LINGO2: variants seen among roughly 807,000 people sequenced by gnomAD.
LINGO2 encodes the protein leucine rich repeat and Ig domain containing 2.
A neutral mutation model predicts 30.6 loss-of-function variants in LINGO2; 14 were observed. The ratio of observed to expected loss-of-function variants is 0.46; its 90% CI spans 0.30 to 0.72. The LOEUF (loss-of-function observed/expected upper bound fraction) is 0.72, where lower values mean the gene tolerates loss of function less well. Among genes scored for constraint, LINGO2 ranks in the 30% least tolerant of loss-of-function variants. The pLI, the probability that LINGO2 is intolerant of heterozygous loss-of-function variation, is 0.07. For missense variants in LINGO2, 729 were observed against 751.7 expected, an observed-to-expected ratio of 0.97 and a Z score of 0.35; for synonymous variants, 317 against 288.5, an observed-to-expected ratio of 1.10 and a Z score of -1.00.
the LINGO2 span, among the ~76,000 whole-genome samples, chr9:28,947,158 T>A: frequency 1.3e-5 from 2 of 152,056 alleles, no homozygotes; most frequent in South Asian, 2.1e-4. Context: ...TATATCTATA[T>A]CTATATATCT....
chr9:28,270,714 G>A (rs1259103962), intron 4 of LINGO2, among the ~76,000 whole-genome samples: 13 of 152,048 alleles, frequency 8.5e-5, no homozygotes, highest in Admixed American at 8.5e-4. Context: ...TGTGCTTGTT[G>A]GGAAAATAGT....
chr9:28,514,436 A>G (rs921761008), intron 1 of LINGO2, among the ~76,000 whole-genome samples: 2 of 152,222 alleles, frequency 1.3e-5, no homozygotes, highest in Non-Finnish European at 2.9e-5. Context: ...GAAGAAAATA[A>G]AAAGTACTAC....
the LINGO2 span, among the ~76,000 whole-genome samples, chr9:28,950,806 G>A: frequency 6.6e-6 from 1 of 152,078 alleles, no homozygotes; most frequent in African/African-American, 2.4e-5. Flanking sequence ...ATATGGTGGT[G>A]AAAATGGCCA....
At chr9:28,382,015 G>C (rs953509900) in intron 2 of LINGO2, among the ~76,000 whole-genome samples, 1 of 152,134 alleles carries the variant, frequency 6.6e-6, no homozygotes, top group South Asian at 2.1e-4. Context: ...GATGGACCTA[G>C]GTTGGATCCC....
In LINGO2 at chr9:28,390,242, C is replaced by T. The variant is rs139381049; in HGVS notation, c.-278-17374G>A. On this transcript the variant is annotated intron_variant, in intron 2 of 5. Coordinates refer to ENST00000379992, the Ensembl canonical transcript of LINGO2. ...GTGAGAAAATAGCCTTCCCATTGTT[C>T]GCATCCAGCAGATGACTACAAAATT... Among the ~76,000 whole-genome samples the T allele has an allele frequency of 3.7e-3, 568 of 152,292 alleles. 8 individuals carry two copies. The highest frequency in any genetic ancestry group is 5.0e-3 in the Non-Finnish European group (342 of 68,026).
At chr9:29,117,436 C>T in the LINGO2 span, among the ~76,000 whole-genome samples, 2 of 152,312 alleles carry the variant, frequency 1.3e-5, no homozygotes, top group Non-Finnish European at 1.5e-5. Flanking sequence ...GTTAAGTCAG[C>T]TTCAGTGAAA....
intron 1 of LINGO2, among the ~76,000 whole-genome samples, chr9:28,665,037 A>ATATATATATT (rs1828743714): frequency 8.0e-6 from 1 of 124,430 alleles, no homozygotes; most frequent in Non-Finnish European, 1.7e-5. Flanking sequence ...ATATATATAT[A>ATATATATATT]TGTTATAAGC....
At chr9:27,940,763 G>C in the LINGO2 span, 1 of 152,164 alleles carries the variant, frequency 6.6e-6, no homozygotes, top group Admixed American at 6.5e-5. Flanking sequence ...CTAAATTTAT[G>C]AAGTAATACA....
chr9:29,112,779 T>A, the LINGO2 span, among the ~76,000 whole-genome samples: 1 of 152,196 alleles, frequency 6.6e-6, no homozygotes, highest in Non-Finnish European at 1.5e-5. Context: ...TATCAAACTG[T>A]AAATAAGGCT....
chr9:27,978,643 A>G (rs1397913480), intron 5 of LINGO2, among the ~76,000 whole-genome samples: 1 of 151,980 alleles, frequency 6.6e-6, no homozygotes, highest in Non-Finnish European at 1.5e-5. Context: ...TGAGAAATAA[A>G]TTTCTGTGGT....
At chr9:29,069,672 T>C in the LINGO2 span, among the ~76,000 whole-genome samples, 4 of 152,036 alleles carry the variant, frequency 2.6e-5, no homozygotes, top group Admixed American at 1.3e-4. Context: ...ATATCCCTTT[T>C]AATATCTGAA....
At chr9:28,815,392 A>T in the LINGO2 span, among the ~76,000 whole-genome samples, 1 of 152,222 alleles carries the variant, frequency 6.6e-6, no homozygotes, top group African/African-American at 2.4e-5. Context: ...TTCAAAAGAA[A>T]GGCAAAGGAG....
the LINGO2 span, among the ~76,000 whole-genome samples, chr9:29,067,547 C>T: frequency 4.0e-5 from 6 of 151,012 alleles, no homozygotes; most frequent in Admixed American, 1.3e-4. Flanking sequence ...GACAAAAACA[C>T]GGCAGAAATC....
chr9:28,850,509 T>A, the LINGO2 span, among the ~76,000 whole-genome samples: 2 of 151,878 alleles, frequency 1.3e-5, no homozygotes, highest in Non-Finnish European at 2.9e-5. Flanking sequence ...CTGCTTCTGG[T>A]CCATGAACTA....
the LINGO2 span, among the ~76,000 whole-genome samples, chr9:29,101,781 T>G: frequency 6.6e-6 from 1 of 152,198 alleles, no homozygotes; most frequent in Admixed American, 6.5e-5. Flanking sequence ...TTTGTGTCTA[T>G]GTGCCACATT....
chr9:29,179,684 C>G, the LINGO2 span, among the ~76,000 whole-genome samples: 1 of 152,140 alleles, frequency 6.6e-6, no homozygotes, highest in South Asian at 2.1e-4. Flanking sequence ...GGATTACAGG[C>G]GTGAGCCTCC....
chr9:28,733,851 A>C, the LINGO2 span, among the ~76,000 whole-genome samples: 1 of 152,128 alleles, frequency 6.6e-6, no homozygotes, highest in African/African-American at 2.4e-5. Flanking sequence ...GCCAAGAAAA[A>C]AAAAATGCAA....
chr9:28,953,942 A>C, the LINGO2 span, among the ~76,000 whole-genome samples: 4 of 152,140 alleles, frequency 2.6e-5, no homozygotes, highest in Non-Finnish European at 5.9e-5. Flanking sequence ...ATATTGGTTC[A>C]CTAAATTAGG....
intron 1 of LINGO2, among the ~76,000 whole-genome samples, chr9:28,514,594 C>A (rs1031076975): frequency 6.6e-6 from 1 of 152,092 alleles, no homozygotes; most frequent in Non-Finnish European, 1.5e-5. Context: ...TCTATTATAT[C>A]AAGGATGAAA....
Sources: gnomAD v4.1 joint callset for allele counts (sites outside exome capture counted in the v4.1 genomes callset) on GRCh38, gnomAD v4.1.1 for gene constraint, MANE v1.5 for transcripts, NCBI Gene and HGNC (gene_info 2026-07-23, HGNC 2026-07-21) for gene names.